Variants in GEN1 observed in about 807,000 individuals in gnomAD.
GEN1 encodes GEN1 structure-specific endonuclease, also known as flap endonuclease GEN homolog 1.
Under a neutral mutation model 67.6 loss-of-function variants are expected in GEN1, and 64 were observed. The ratio of observed to expected loss-of-function variants is 0.95; its 90% CI spans 0.77 to 1.17. GEN1 has a LOEUF of 1.17. Ranked by LOEUF, GEN1 falls within the 50% of genes most tolerant of loss-of-function variation. The probability of loss-of-function intolerance (pLI) is 0.00; values close to 1 mark genes in which losing one functional copy is unlikely to be tolerated. For missense variants in GEN1, 1,058 were observed against 1,048.3 expected, an observed-to-expected ratio of 1.01 and a Z score of -0.13; for synonymous variants, 371 against 359.4, an observed-to-expected ratio of 1.03 and a Z score of -0.37.
At position 17,787,995 on chromosome 2, in the gene GEN1, A is replaced by T. The variant is rs180957050; in HGVS notation, c.*6056A>T. On this transcript the variant is annotated 3_prime_UTR_variant, in exon 14 of 14. Transcript: ENST00000381254. ...TGATGGTGATTTCAGTCAGGGTCTT[A>T]GTTCTAAATTTCTCTGTGGAGAGAG... 4.4e-3 allele frequency: 667 copies of T among 152,382 alleles called. 4 individuals are homozygous for T. Among genetic ancestry groups the T allele is most frequent in the Non-Finnish European group, 6.5e-3 (443 of 68,066 alleles). The allele number at this position is 152,382 out of a possible 1,614,324, so 9.4% of individuals were successfully genotyped here. A position where few individuals can be genotyped will look rare whatever the true frequency, so the allele number is the denominator to read the frequency against.
Position 17,772,738 on chromosome 2 carries a change from A to G in GEN1, c.907A>G (p.Thr303Ala). The G allele has an allele frequency of 6.2e-7, 1 of 1,612,156 alleles. No individual in the cohort carries two copies. Among genetic ancestry groups the G allele is most frequent in the Non-Finnish European group, 8.5e-7 (1 of 1,178,740 alleles). ...EYCCPCEWHR[T>A]EHDRQLSEVE... ...CTGCTGTCCTTGTGAGTGGCACCGT[A>G]CAGAACATGATAGGCAACTCAGTGA... The change falls in exon 8 of 14, where the codon ACA becomes GCA. Residue 303 changes from threonine to alanine, a missense_variant. Physicochemically the swap from Thr to Ala is moderately conservative, Grantham distance 58. Transcript: ENST00000381254.
At position 17,772,686 on chromosome 2, in the gene GEN1, AT is replaced by A; in HGVS notation, c.856del (p.Tyr286IlefsTer27). ...GATGCAGATTATGTAAAAGTGATAA[AT>A]ATTGTGAGCCACATGACTATGAATA... ...NGCRLCKSDK[Y>X]CEPHDYEYCC... On this transcript the variant is annotated frameshift_variant, in exon 8 of 14. Transcript: ENST00000381254. LOFTEE classifies it high-confidence loss of function. 1 of 1,612,588 alleles carries A rather than the reference AT, an allele frequency of 6.2e-7. No individual in the cohort carries two copies. The highest frequency in any genetic ancestry group is 8.5e-7 in the Non-Finnish European group (1 of 1,178,982).
intron 4 of GEN1, 94 bp downstream of exon 4, chr2:17,765,167 G>A: frequency 8.4e-7 from 1 of 1,188,886 alleles, no homozygotes; most frequent in Admixed American, 2.0e-5. Context: ...AATGCTTACT[G>A]TAATGCCTTG....
rs1553331284 is a variant in GEN1 at position 17,778,323 on chromosome 2, C to CATATATGTATATACACACATGT, written c.1264+260_1264+261insATATATGTATATACACACATGT. On this transcript the variant is annotated intron_variant, in intron 12 of 13. Transcript: ENST00000381254. Reference sequence around the variant, plus strand: ...GTACATATATGTATATACACACACACGTGTACATATATGTATACACACACA... The same window carrying CATATATGTATATACACACATGT: ...GTACATATATGTATATACACACACACATATATGTATATACACACATGTGTGTACATATATGTATACACACACA... 1.1e-3 allele frequency among the ~76,000 whole-genome samples: 35 copies of CATATATGTATATACACACATGT among 30,876 alleles called. 7 individuals carry two copies. The highest frequency in any genetic ancestry group is 3.5e-3 in the African/African-American group (33 of 9,360). 20.3% of individuals were successfully genotyped at this position (30,876 alleles called of 152,430 possible). A position where few individuals can be genotyped will look rare whatever the true frequency, so the allele number is the denominator to read the frequency against.
rs1051279616 is a variant in GEN1 at position 17,785,966 on chromosome 2, T to A, written c.*4027T>A. The A allele has an allele frequency of 6.6e-6, 1 of 152,232 alleles. No individual in the cohort carries two copies. Among genetic ancestry groups the A allele is most frequent in the Non-Finnish European group, 1.5e-5 (1 of 68,042 alleles). The allele number at this position is 152,232 out of a possible 1,614,324, so 9.4% of individuals were successfully genotyped here. On this transcript the variant is annotated 3_prime_UTR_variant, in exon 14 of 14. Coordinates refer to ENST00000381254, the MANE Select transcript of GEN1 (RefSeq NM_001130009.3). ...GATTTTATAATGAGGACTCTACTTT[T>A]TCCTTTTGGGTAGCATGGCTTGAGC...
In GEN1 at chr2:17,788,739, T is replaced by G. The variant is rs988813470; in HGVS notation, c.*6800T>G. 6.6e-6 allele frequency: 1 copy of G among 152,228 alleles called. No individual in the cohort carries two copies. The highest frequency in any genetic ancestry group is 1.5e-5 in the Non-Finnish European group (1 of 68,034). 9.4% of individuals were successfully genotyped at this position (152,228 alleles called of 1,614,324 possible). A position where few individuals can be genotyped will look rare whatever the true frequency, so the allele number is the denominator to read the frequency against. The stretch of plus-strand genomic sequence containing the variant: ...ACCACCCAACTGATACCTGCCTTTC[T>G]GTGAGTGAAATCAGAAACGGCTGTT... On this transcript the variant is annotated 3_prime_UTR_variant, in exon 14 of 14. Transcript: ENST00000381254.
intron 5 of GEN1, among the ~76,000 whole-genome samples, chr2:17,767,500 A>G (rs1383556011): frequency 6.6e-6 from 1 of 152,234 alleles, no homozygotes; most frequent in Non-Finnish European, 1.5e-5. Flanking sequence ...TTTGTAATTT[A>G]TATCATCAAA....
Position 17,781,542 on chromosome 2 carries a change from ATAG to A in GEN1, c.2334_2336del (p.Ser778del). On this transcript the variant is annotated inframe_deletion, in exon 14 of 14. Transcript: ENST00000381254. ...AGACCACCAAATACTGCTTTAGATC[ATAG>A]TAGAAAAGTTGATATGCAAACCACT... The A allele has an allele frequency of 6.2e-7, 1 of 1,613,890 alleles. No individual in the cohort carries two copies.
In GEN1 at chr2:17,773,204, C is replaced by A; in HGVS notation, c.991-15C>A. On this transcript the variant is annotated splice_polypyrimidine_tract_variant and intron_variant, in intron 9 of 13. Coordinates refer to ENST00000381254, the MANE Select transcript of GEN1 (RefSeq NM_001130009.3). ...AAGTTTAAATCTCAGTTTCTATTTTCTTTTTTCTTGCTAGGTTATTCAAGA... is the reference window on the plus strand; with the variant it reads ...AAGTTTAAATCTCAGTTTCTATTTTATTTTTTCTTGCTAGGTTATTCAAGA... The A allele has an allele frequency of 6.3e-7, 1 of 1,581,348 alleles. No homozygotes were observed. Among genetic ancestry groups the A allele is most frequent in the South Asian group, 1.1e-5 (1 of 88,884 alleles).
At chr2:17,758,222 T>C (rs1671512985) in intron 1 of GEN1, among the ~76,000 whole-genome samples, 1 of 152,220 alleles carries the variant, frequency 6.6e-6, no homozygotes, top group African/African-American at 2.4e-5. Context: ...CTGGAAGAGA[T>C]ATTGCTAAAC....
chr2:17,787,851 G>T lies in GEN1; in HGVS notation c.*5912G>T, dbSNP rs1673107397. On this transcript the variant is annotated 3_prime_UTR_variant, in exon 14 of 14. Transcript: ENST00000381254. ...AGACAAGAGAATCACTTGAACCCGG[G>T]AGGCGGAGGTTGCAGTGAGCTGAGA... The T allele has an allele frequency of 6.6e-6, 1 of 152,432 alleles. No individual in the cohort carries two copies. Among genetic ancestry groups the T allele is most frequent in the Non-Finnish European group, 1.5e-5 (1 of 68,212 alleles). 9.4% of individuals were successfully genotyped at this position (152,432 alleles called of 1,614,324 possible).
chr2:17,753,961 G>A (rs527593818), upstream of GEN1: 1 of 152,364 alleles, frequency 6.6e-6, no homozygotes, highest in African/African-American at 2.4e-5. Context: ...GACCGGACTC[G>A]GGGGAGGTGA....
At position 17,780,648 on chromosome 2, in the gene GEN1, C is replaced by T; in HGVS notation, c.1436C>T (p.Pro479Leu). Residue 479 changes from proline (P) to leucine (L), a missense_variant, in exon 14 of 14, where the codon CCA becomes CTA. By Grantham distance (98) the Pro-to-Leu change is moderately conservative. Transcript: ENST00000381254. ...KRIKPKENNLPEPDEVMSFQS... is the reference protein window; with the variant it reads ...KRIKPKENNLLEPDEVMSFQS... ...ATTAAGCCTAAAGAAAACAATTTGC[C>T]AGAACCAGATGAAGTAATGAGCTTT... The T allele has an allele frequency of 1.3e-6, 2 of 1,589,546 alleles. No homozygotes were observed. The highest frequency in any genetic ancestry group is 1.7e-6 in the Non-Finnish European group (2 of 1,167,838).
chr2:17,777,062 G>A (rs1356133770), intron 11 of GEN1, among the ~76,000 whole-genome samples: 1 of 152,034 alleles, frequency 6.6e-6, no homozygotes, highest in African/African-American at 2.4e-5. Flanking sequence ...GGAGGCAGAG[G>A]TTACAGTGAG....
rs1047434773 is a variant in GEN1, at chr2:17,785,949, A to G, written c.*4010A>G. The G allele has an allele frequency of 6.6e-6, 1 of 152,210 alleles. No individual in the cohort carries two copies. Among genetic ancestry groups the G allele is most frequent in the Non-Finnish European group, 1.5e-5 (1 of 68,038 alleles). The allele number at this position is 152,210 out of a possible 1,614,324, so 9.4% of individuals were successfully genotyped here. A position where few individuals can be genotyped will look rare whatever the true frequency, so the allele number is the denominator to read the frequency against. On this transcript the variant is annotated 3_prime_UTR_variant, in exon 14 of 14. Coordinates refer to ENST00000381254, the MANE Select transcript of GEN1 (RefSeq NM_001130009.3). Reference sequence around the variant, plus strand: ...ACAATCTCCGTCTTCTAGATTTTATAATGAGGACTCTACTTTTTCCTTTTG... The same window carrying G: ...ACAATCTCCGTCTTCTAGATTTTATGATGAGGACTCTACTTTTTCCTTTTG...
At position 17,772,612 on chromosome 2, in the gene GEN1, CTTTT is replaced by C; in HGVS notation, c.803-18_803-15del. 6.4e-7 allele frequency: 1 copy of C among 1,568,692 alleles called. No individual in the cohort carries two copies. The highest frequency in any genetic ancestry group is 8.6e-7 in the Non-Finnish European group (1 of 1,161,180). ...ATTATAAAAGGCAAAAAATATTATA[CTTTT>C]TTTGGGTCTCCATAAAGGTTCACCT... On this transcript the variant is annotated intron_variant, in intron 7 of 13. Coordinates refer to ENST00000381254, the MANE Select transcript of GEN1 (RefSeq NM_001130009.3).
In GEN1 at chr2:17,782,945, G is replaced by T. The variant is rs1263832915; in HGVS notation, c.*1006G>T. The T allele has an allele frequency of 6.6e-6, 1 of 152,132 alleles. No individual in the cohort carries two copies. Among genetic ancestry groups the T allele is most frequent in the Non-Finnish European group, 1.5e-5 (1 of 68,024 alleles). The allele number at this position is 152,132 out of a possible 1,614,324, so 9.4% of individuals were successfully genotyped here. A position where few individuals can be genotyped will look rare whatever the true frequency, so the allele number is the denominator to read the frequency against. ...AATGGTGTCTGCAGATGACAAGATTGTATGCATCAAAAATTCTAAGAAATC... is the reference window on the plus strand; with the variant it reads ...AATGGTGTCTGCAGATGACAAGATTTTATGCATCAAAAATTCTAAGAAATC... On this transcript the variant is annotated 3_prime_UTR_variant, in exon 14 of 14. Coordinates refer to ENST00000381254, the MANE Select transcript of GEN1 (RefSeq NM_001130009.3).
intron 11 of GEN1, among the ~76,000 whole-genome samples, chr2:17,776,832 A>G (rs1672455911): frequency 6.6e-6 from 1 of 152,218 alleles, no homozygotes; most frequent in South Asian, 2.1e-4. Context: ...CCTTCCTTAA[A>G]AGTGCAGTTA....
chr2:17,774,473 T>C (rs1206445572), intron 11 of GEN1, 72 bp downstream of exon 11: 11 of 1,281,774 alleles, frequency 8.6e-6, no homozygotes, highest in Non-Finnish European at 1.2e-5. Flanking sequence ...ATTCCTAATA[T>C]CTTTAAGCTC....
Sources: gnomAD v4.1 joint callset for allele counts (sites outside exome capture counted in the v4.1 genomes callset) on GRCh38, gnomAD v4.1.1 for gene constraint, MANE v1.5 for transcripts, NCBI Gene and HGNC (gene_info 2026-07-23, HGNC 2026-07-21) for gene names.